RANBP10: variants seen among roughly 807,000 people sequenced by gnomAD.
RANBP10 encodes RAN binding protein 10.
A neutral mutation model predicts 72.8 loss-of-function variants in RANBP10; 24 were observed. The ratio of observed to expected loss-of-function variants is 0.33; its 90% CI spans 0.24 to 0.46. RANBP10 has a LOEUF of 0.46. Ranked by LOEUF, RANBP10 falls within the 20% of genes least tolerant of loss-of-function variation. RANBP10 has a pLI of 1.00. For missense variants in RANBP10, 679 were observed against 817.5 expected, an observed-to-expected ratio of 0.83 and a Z score of 2.07; for synonymous variants, 310 against 322.3, an observed-to-expected ratio of 0.96 and a Z score of 0.41.
rs2055142346 is a variant in RANBP10 at position 67,796,796 on chromosome 16, G to A, written c.347+8632C>T. Reference sequence around the variant, plus strand: ...AGTCCCCTCCCAACTTCCCTATATAGTACAGAGCATCTTGTTCTGGCCCCT... The same window carrying A: ...AGTCCCCTCCCAACTTCCCTATATAATACAGAGCATCTTGTTCTGGCCCCT... On this transcript the variant is annotated intron_variant, in intron 2 of 13. Transcript: ENST00000317506. Among the ~76,000 whole-genome samples the A allele has an allele frequency of 1.3e-5, 2 of 152,114 alleles. 1 individual carries two copies. Among genetic ancestry groups the A allele is most frequent in the Admixed American group, 1.3e-4 (2 of 15,254 alleles).
intron 4 of RANBP10, chr16:67,744,025 G>A (rs2054019904): frequency 4.3e-6 from 4 of 928,868 alleles, no homozygotes; most frequent in South Asian, 9.9e-5. Flanking sequence ...TCCAACAAGT[G>A]CCACCAAAGC....
intron 2 of RANBP10, among the ~76,000 whole-genome samples, chr16:67,772,646 T>C (rs1407953482): frequency 6.6e-6 from 1 of 152,158 alleles, no homozygotes; most frequent in Non-Finnish European, 1.5e-5. Context: ...CACACAAAGC[T>C]GGGAGTAATG....
Position 67,782,312 on chromosome 16 carries a change from A to G in RANBP10, c.348-10226T>C, listed in dbSNP as rs57695734. Reference sequence around the variant, plus strand: ...GTGCCACCACACCTGGGTAGTTTAGAGATGGGGATTTGCCCTGTTGCCTAG... The same window carrying G: ...GTGCCACCACACCTGGGTAGTTTAGGGATGGGGATTTGCCCTGTTGCCTAG... On this transcript the variant is annotated intron_variant, in intron 2 of 13. Coordinates refer to ENST00000317506, the MANE Select transcript of RANBP10 (RefSeq NM_020850.3). Among the ~76,000 whole-genome samples, 1,085 of 151,798 alleles carry G rather than the reference A, an allele frequency of 7.1e-3. 13 individuals are homozygous for G. The highest frequency in any genetic ancestry group is 0.025 in the African/African-American group (1,033 of 41,408).
At chr16:67,740,980 T>C (rs892913631) in intron 4 of RANBP10, among the ~76,000 whole-genome samples, 1 of 152,124 alleles carries the variant, frequency 6.6e-6, no homozygotes, top group African/African-American at 2.4e-5. Context: ...GCCAGGATAT[T>C]GCTTACTCCA....
At chr16:67,738,093 A>C (rs894216948) in intron 4 of RANBP10, 58 bp from the exon 5 acceptor site, 6 of 1,510,194 alleles carry the variant, frequency 4.0e-6, no homozygotes, top group Non-Finnish European at 5.4e-6. Flanking sequence ...CTGCCTCTGC[A>C]CCCCATGGTG....
chr16:67,728,302 C>A, intron 11 of RANBP10, 88 bp downstream of exon 11: 1 of 1,445,470 alleles, frequency 6.9e-7, no homozygotes, highest in African/African-American at 1.4e-5. Context: ...GATGCCAAAG[C>A]CTGCCTACCC....
In RANBP10 at chr16:67,728,256, G is replaced by A. The variant is rs1431255002; in HGVS notation, c.1474+134C>T. ...CAAGGACCCATTCACAATCGGCTAA[G>A]GAGGCTGTGGACCAGGTCTGGCTGA... On this transcript the variant is annotated intron_variant, in intron 11 of 13. Coordinates refer to ENST00000317506, the MANE Select transcript of RANBP10 (RefSeq NM_020850.3). The A allele has an allele frequency of 5.2e-6, 5 of 958,930 alleles. No individual in the cohort carries two copies. In the East Asian group the frequency reaches 1.3e-4, roughly 25 times the overall value. 59.4% of individuals were successfully genotyped at this position (958,930 alleles called of 1,614,324 possible).
At position 67,726,267 on chromosome 16, in the gene RANBP10, G is replaced by T; in HGVS notation, c.*161C>A. On this transcript the variant is annotated 3_prime_UTR_variant, in exon 14 of 14. Coordinates refer to ENST00000317506, the MANE Select transcript of RANBP10 (RefSeq NM_020850.3). ...GAGACTGAGCGGGGTGGTGGGCAGA[G>T]AAAGGAAGGAAGGAAGGAAAGGGAG... 1 of 1,092,856 alleles carries T rather than the reference G, an allele frequency of 9.2e-7. No individual in the cohort carries two copies. The highest frequency in any genetic ancestry group is 1.3e-6 in the Non-Finnish European group (1 of 768,610). The allele number at this position is 1,092,856 out of a possible 1,614,324, so 67.7% of individuals were successfully genotyped here.
At position 67,754,249 on chromosome 16, in the gene RANBP10, G is replaced by C. The variant is rs115053588; in HGVS notation, c.401-9794C>G. On this transcript the variant is annotated intron_variant, in intron 3 of 13. Transcript: ENST00000317506. ...AGTAGCCAGCGGCTGAACAAGGCAG[G>C]TAAGATGGTGGCAGGTCCAGGGACT... Among the ~76,000 whole-genome samples the C allele has an allele frequency of 7.8e-3, 1,182 of 152,280 alleles. 7 individuals carry two copies. Among genetic ancestry groups the C allele is most frequent in the African/African-American group, 0.022 (916 of 41,556 alleles).
At chr16:67,776,252 G>A (rs1210633268) in intron 2 of RANBP10, among the ~76,000 whole-genome samples, 1 of 151,736 alleles carries the variant, frequency 6.6e-6, no homozygotes, top group Non-Finnish European at 1.5e-5. Flanking sequence ...CTGAGGTCAG[G>A]AGGTTCAAGA....
chr16:67,788,393 T>C (rs1274702023), intron 2 of RANBP10, among the ~76,000 whole-genome samples: 1 of 151,408 alleles, frequency 6.6e-6, no homozygotes, highest in African/African-American at 2.4e-5. Flanking sequence ...GCTGGGACTA[T>C]AGGCGCCCGC....
rs140139712 is a variant in RANBP10, at chr16:67,731,867, C to T, written c.777-283G>A. ...CTGAGACATGCTGCCCACAAGTAAGCGAGTATGATAACAGAAGTACACACA... is the reference window on the plus strand; with the variant it reads ...CTGAGACATGCTGCCCACAAGTAAGTGAGTATGATAACAGAAGTACACACA... On this transcript the variant is annotated intron_variant, in intron 6 of 13. Transcript: ENST00000317506. Among the ~76,000 whole-genome samples the T allele has an allele frequency of 1.6e-3, 248 of 152,184 alleles. 1 individual carries two copies. The highest frequency in any genetic ancestry group is 3.1e-3 in the Non-Finnish European group (209 of 68,018).
At chr16:67,785,653 G>A (rs868454288) in intron 2 of RANBP10, among the ~76,000 whole-genome samples, 22 of 150,488 alleles carry the variant, frequency 1.5e-4, no homozygotes, top group South Asian at 2.1e-4. Flanking sequence ...ACTTGAACCC[G>A]GGAGGCAAAG....
chr16:67,772,119 T>G (rs1005635166), intron 2 of RANBP10, 33 bp from the exon 3 acceptor site: 4 of 1,577,056 alleles, frequency 2.5e-6, no homozygotes, highest in Admixed American at 1.9e-5. Flanking sequence ...AACACAAAAT[T>G]TTTGGTTAGC....
Position 67,723,145 on chromosome 16 carries a change from A to G in RANBP10, c.*3283T>C, listed in dbSNP as rs550753378. ...AGTTTTTTTTTTGTCTCTCAAGTAC[A>G]ATTTTAATAAGATGTTTTGTGTTAG... On this transcript the variant is annotated 3_prime_UTR_variant, in exon 14 of 14. Coordinates refer to ENST00000317506, the MANE Select transcript of RANBP10 (RefSeq NM_020850.3). The G allele has an allele frequency of 6.6e-5, 10 of 152,648 alleles. No individual in the cohort carries two copies. The highest frequency in any genetic ancestry group is 3.3e-4 in the Admixed American group (5 of 15,290). 9.5% of individuals were successfully genotyped at this position (152,648 alleles called of 1,614,324 possible). A position where few individuals can be genotyped will look rare whatever the true frequency, so the allele number is the denominator to read the frequency against.
At chr16:67,773,255 C>A (rs191803532) in intron 2 of RANBP10, among the ~76,000 whole-genome samples, 20 of 152,260 alleles carry the variant, frequency 1.3e-4, no homozygotes, top group Non-Finnish European at 2.1e-4. Context: ...CACCTCCCCC[C>A]AACTTGTTCC....
Position 67,806,492 on chromosome 16 carries a change from A to T in RANBP10, c.45T>A (p.Pro15=). The change falls in exon 1 of 14, where the codon CCT becomes CCA. Residue 15 remains proline, a synonymous_variant. Coordinates refer to ENST00000317506, the MANE Select transcript of RANBP10 (RefSeq NM_020850.3). Reference sequence around the variant, plus strand: ...CAGCGCCCCCGCCGGAGGAGTCCCCAGGCTGCGGGTTCCCAGCTCCCGGGT... The same window carrying T: ...CAGCGCCCCCGCCGGAGGAGTCCCCTGGCTGCGGGTTCCCAGCTCCCGGGT... The part of the protein sequence containing the change: ...TADPGAGNPQ[P]GDSSGGGAGG... 2 of 1,537,012 alleles carry T rather than the reference A, an allele frequency of 1.3e-6. No individual in the cohort carries two copies. The highest frequency in any genetic ancestry group is 1.7e-6 in the Non-Finnish European group (2 of 1,148,116).
At chr16:67,738,435 G>T (rs189507157) in intron 4 of RANBP10, among the ~76,000 whole-genome samples, 1 of 151,820 alleles carries the variant, frequency 6.6e-6, no homozygotes, top group African/African-American at 2.4e-5. Flanking sequence ...ACTGTGTCCA[G>T]CTGGGAAGGT....
intron 5 of RANBP10, among the ~76,000 whole-genome samples, chr16:67,736,837 A>G (rs951039382): frequency 1.3e-5 from 2 of 152,150 alleles, no homozygotes; most frequent in African/African-American, 4.8e-5. Context: ...CATGGACTGG[A>G]GGTTTTAACA....
Sources: gnomAD v4.1 joint callset for allele counts (sites outside exome capture counted in the v4.1 genomes callset) on GRCh38, gnomAD v4.1.1 for gene constraint, MANE v1.5 for transcripts, NCBI Gene and HGNC (gene_info 2026-07-23, HGNC 2026-07-21) for gene names.